STPG2: variants seen among roughly 807,000 people sequenced by gnomAD.
The protein encoded by STPG2 is sperm tail PG-rich repeat containing 2.
STPG2 carries 56 observed loss-of-function variants against 54.2 expected under a neutral mutation model. The ratio of observed to expected loss-of-function variants is 1.03; its 90% CI spans 0.83 to 1.29. STPG2 has a LOEUF of 1.29. Among genes scored for constraint, STPG2 ranks in the 50% most tolerant of loss-of-function variants. The pLI, the probability that STPG2 is intolerant of heterozygous loss-of-function variation, is 0.00. For missense variants in STPG2, 596 were observed against 544.9 expected (o/e 1.09, Z -0.93); for synonymous variants, 200 against 181.8 (o/e 1.10, Z -0.81).
chr4:97,642,853 A>G (rs979762810), intron 10 of STPG2, among the ~76,000 whole-genome samples: 3 of 151,622 alleles, frequency 2.0e-5, no homozygotes, highest in East Asian at 3.9e-4. Flanking sequence ...AATTTTAGAA[A>G]AAAATAATCA....
intron 9 of STPG2, among the ~76,000 whole-genome samples, chr4:97,743,432 A>T (rs1423649330): frequency 2.0e-5 from 3 of 151,754 alleles, no homozygotes; most frequent in Non-Finnish European, 4.4e-5. Flanking sequence ...ACAACCAAAG[A>T]CATCTGAATT....
chr4:97,699,512 C>A (rs1414295460), intron 10 of STPG2, among the ~76,000 whole-genome samples: 2 of 152,226 alleles, frequency 1.3e-5, no homozygotes, highest in Admixed American at 6.5e-5. Flanking sequence ...AAGTCCCTGA[C>A]CATCCAGCCA....
chr4:97,639,098 A>G (rs1338343735), intron 10 of STPG2, among the ~76,000 whole-genome samples: 1 of 152,044 alleles, frequency 6.6e-6, no homozygotes, highest in East Asian at 1.9e-4. Context: ...ACCAACCCAA[A>G]TGTCCAACAA....
At chr4:97,740,346 G>A (rs1725181111) in intron 9 of STPG2, among the ~76,000 whole-genome samples, 1 of 152,110 alleles carries the variant, frequency 6.6e-6, no homozygotes, top group East Asian at 1.9e-4. Context: ...TCAACATAGT[G>A]TTGGAAGTTC....
At chr4:97,808,932 T>C (rs1727654749) in intron 9 of STPG2, among the ~76,000 whole-genome samples, 1 of 151,748 alleles carries the variant, frequency 6.6e-6, no homozygotes, top group African/African-American at 2.4e-5. Flanking sequence ...TTAATAACAG[T>C]CTCAAAATAT....
intron 10 of STPG2, among the ~76,000 whole-genome samples, chr4:97,611,288 T>C (rs888667219): frequency 6.6e-6 from 1 of 151,562 alleles, no homozygotes; most frequent in African/African-American, 2.4e-5. Context: ...ATTGCAAATC[T>C]AGTATGTGGA....
chr4:97,929,509 C>A (rs2149217236), intron 8 of STPG2, among the ~76,000 whole-genome samples: 1 of 152,290 alleles, frequency 6.6e-6, no homozygotes, highest in African/African-American at 2.4e-5. Flanking sequence ...TACAAGCATT[C>A]TTTTTTCTCT....
Position 97,902,840 on chromosome 4 carries a change from T to C in STPG2, c.1044+41057A>G, listed in dbSNP as rs185854891. ...AATCAGTATGTTGAAGAGATATCAG[T>C]ACTTCCATTTTCATTGCAGCATTAT... On this transcript the variant is annotated intron_variant, in intron 8 of 10. Transcript: ENST00000295268. Among the ~76,000 whole-genome samples, 337 of 152,306 alleles carry C rather than the reference T, an allele frequency of 2.2e-3. 1 individual carries two copies. Among genetic ancestry groups the C allele is most frequent in the Non-Finnish European group, 3.5e-3 (238 of 68,010 alleles).
chr4:98,104,298 A>G (rs755413364), intron 5 of STPG2, among the ~76,000 whole-genome samples: 7 of 152,172 alleles, frequency 4.6e-5, no homozygotes, highest in Non-Finnish European at 8.8e-5. Flanking sequence ...CATTGCCTGA[A>G]AATTTAAATT....
At chr4:97,489,040 G>A (rs1730440721) in intron 4 of STPG2, among the ~76,000 whole-genome samples, 1 of 151,590 alleles carries the variant, frequency 6.6e-6, no homozygotes, top group East Asian at 1.9e-4. Context: ...TCATGGGGGC[G>A]GGTCTTTCCC....
At chr4:97,730,639 CCT>C (rs759103218) in intron 9 of STPG2, among the ~76,000 whole-genome samples, 4 of 152,152 alleles carry the variant, frequency 2.6e-5, no homozygotes, top group Non-Finnish European at 5.9e-5. Flanking sequence ...TACCCTGTCT[CCT>C]CTCTCAGAAA....
chr4:97,961,288 G>A (rs557086112), intron 7 of STPG2, among the ~76,000 whole-genome samples: 1 of 152,064 alleles, frequency 6.6e-6, no homozygotes, highest in Non-Finnish European at 1.5e-5. Context: ...CATTGGCTTA[G>A]GCAAAGATTT....
intron 8 of STPG2, among the ~76,000 whole-genome samples, chr4:97,927,425 ACTAAC>A (rs1475961319): frequency 1.3e-5 from 2 of 152,070 alleles, no homozygotes; most frequent in Non-Finnish European, 2.9e-5. Context: ...TGCCTTTCCC[ACTAAC>A]CTGATAGTCA....
intron 10 of STPG2, among the ~76,000 whole-genome samples, chr4:97,617,816 G>T (rs1443515992): frequency 6.6e-6 from 1 of 152,098 alleles, no homozygotes; most frequent in Non-Finnish European, 1.5e-5. Flanking sequence ...AAGAGTGCCA[G>T]AATAATAGAG....
Position 98,010,547 on chromosome 4 carries a change from T to C in STPG2, c.613-29229A>G, listed in dbSNP as rs189388555. Among the ~76,000 whole-genome samples, 207 of 152,236 alleles carry C rather than the reference T, an allele frequency of 1.4e-3. 1 individual carries two copies. The highest frequency in any genetic ancestry group is 1.8e-3 in the Non-Finnish European group (120 of 68,010). On this transcript the variant is annotated intron_variant, in intron 5 of 10. Coordinates refer to ENST00000295268, the MANE Select transcript of STPG2 (RefSeq NM_174952.3). The stretch of plus-strand genomic sequence containing the variant: ...AAGTGTGCCTCTAGTAGGCAGCATA[T>C]ACTTGGATCTTGGTTTGTGGTTTTT...
At chr4:97,984,720 A>T (rs554301528) in intron 5 of STPG2, among the ~76,000 whole-genome samples, 1 of 152,190 alleles carries the variant, frequency 6.6e-6, no homozygotes, top group Non-Finnish European at 1.5e-5. Context: ...TTTGAAGTGT[A>T]GTCAAAGAAG....
In STPG2 at chr4:97,560,771, T is replaced by C. The variant is rs148070471; in HGVS notation, c.1321-1654A>G. 3.9e-5 allele frequency among the ~76,000 whole-genome samples: 6 copies of C among 152,216 alleles called. No homozygotes were observed. In the East Asian group the frequency reaches 1.2e-3, roughly 29 times the overall value. The stretch of plus-strand genomic sequence containing the variant: ...CATAGTAAAGAAGATCAGAGACCTA[T>C]ACCCAAGATGTATTCTCAGAAGGTG... On this transcript the variant is annotated intron_variant, in intron 10 of 10. Transcript: ENST00000295268.
intron 4 of STPG2, among the ~76,000 whole-genome samples, chr4:97,455,337 C>A (rs976306050): frequency 6.6e-6 from 1 of 152,052 alleles, no homozygotes; most frequent in Non-Finnish European, 1.5e-5. Flanking sequence ...TTGCATTTCC[C>A]GAGACCACCC....
At chr4:97,836,020 C>A (rs1728620444) in intron 9 of STPG2, among the ~76,000 whole-genome samples, 1 of 151,926 alleles carries the variant, frequency 6.6e-6, no homozygotes, top group South Asian at 2.1e-4. Flanking sequence ...GGGATTTACT[C>A]CTGGTGAAGA....
Sources: allele counts gnomAD v4.1 joint callset (sites outside exome capture counted in the v4.1 genomes callset), GRCh38; gene constraint gnomAD v4.1.1; transcripts MANE v1.5; gene names NCBI Gene and HGNC (gene_info 2026-07-23, HGNC 2026-07-21).